AK8: variants seen among roughly 807,000 people sequenced by gnomAD.
AK8 encodes adenylate kinase 8.
A neutral mutation model predicts 54.6 loss-of-function variants in AK8; 44 were observed. That is an observed-to-expected ratio of 0.81 (90% confidence interval 0.63 to 1.04). The LOEUF (loss-of-function observed/expected upper bound fraction) is 1.04, where lower values mean the gene tolerates loss of function less well. Among genes scored for constraint, AK8 ranks in the 50% least tolerant of loss-of-function variants. The pLI, the probability that AK8 is intolerant of heterozygous loss-of-function variation, is 0.00. For synonymous variants in AK8, 239 were observed against 245.6 expected (o/e 0.97, Z 0.25); for missense variants, 555 against 613.6 (o/e 0.90, Z 1.01).
intron 5 of AK8, among the ~76,000 whole-genome samples, chr9:132,853,709 C>T (rs1359469056): frequency 7.1e-6 from 1 of 141,438 alleles, no homozygotes; most frequent in Non-Finnish European, 1.5e-5. Flanking sequence ...TCTCTTGAGC[C>T]CAGAAGGTCA....
intron 3 of AK8, among the ~76,000 whole-genome samples, chr9:132,864,413 T>C (rs1158432670): frequency 6.6e-6 from 1 of 151,640 alleles, no homozygotes; most frequent in African/African-American, 2.4e-5. Context: ...CAACCAGGAG[T>C]CTTCATGGCC....
chr9:132,839,315 A>G (rs1446914732), intron 5 of AK8, among the ~76,000 whole-genome samples: 2 of 152,008 alleles, frequency 1.3e-5, no homozygotes, highest in African/African-American at 2.4e-5. Context: ...TCTGGCCTTC[A>G]TTTTCCTTCT....
chr9:132,871,359 G>C (rs1047323421), intron 2 of AK8, among the ~76,000 whole-genome samples: 1 of 152,204 alleles, frequency 6.6e-6, no homozygotes, highest in Admixed American at 6.5e-5. Context: ...CCACAGAGGC[G>C]TGGGCAAAGA....
rs369890347 is a variant in AK8, at chr9:132,878,267, G to C, written c.-12C>G. ...ATAGTGGCGTCCATGTAGCCGTCTC[G>C]GCTCGCCGCTCCCTAGTAACCGCGT... On this transcript the variant is annotated 5_prime_UTR_variant, in exon 1 of 13. Transcript: ENST00000298545. This position sits in a 1 kb window ranked among gnomAD's most constrained non-coding sequence, Gnocchi z 4.7. The C allele has an allele frequency of 3.0e-6, 4 of 1,354,898 alleles. No individual in the cohort carries two copies. The highest frequency in any genetic ancestry group is 2.3e-5 in the South Asian group (1 of 44,414). The allele number at this position is 1,354,898 out of a possible 1,614,324, so 83.9% of individuals were successfully genotyped here.
intron 5 of AK8, among the ~76,000 whole-genome samples, chr9:132,848,505 C>G (rs1842844200): frequency 6.6e-6 from 1 of 152,208 alleles, no homozygotes; most frequent in Admixed American, 6.5e-5. Flanking sequence ...TGCCTCACTT[C>G]TGGCTGCCAT....
intron 11 of AK8, among the ~76,000 whole-genome samples, chr9:132,756,809 C>A (rs193111009): frequency 3.9e-5 from 6 of 152,044 alleles, no homozygotes; most frequent in Middle Eastern, 3.2e-3. Context: ...GAATTCCGCA[C>A]CCCCATAAAA....
At chr9:132,846,918 G>A (rs1371310567) in intron 5 of AK8, among the ~76,000 whole-genome samples, 1 of 152,262 alleles carries the variant, frequency 6.6e-6, no homozygotes, top group East Asian at 1.9e-4. Context: ...TGAAGCTGGA[G>A]AAGCTGCTGG....
rs1838932329 is a variant in AK8, at chr9:132,770,702, G to A, written c.1121+21932C>T. ...GACAAGGCAGGGAAGAGCGGGATGG[G>A]TCGGCCCCTTCAAGGGGAGCCCTGG... is the stretch of plus-strand genomic sequence containing the variant. On this transcript the variant is annotated intron_variant, in intron 11 of 12. Coordinates refer to ENST00000298545, the MANE Select transcript of AK8 (RefSeq NM_152572.3). The surrounding 1 kb of genome is among the most constrained non-coding windows in gnomAD (Gnocchi z 4.3). Among the ~76,000 whole-genome samples, 1 of 152,216 alleles carries A rather than the reference G, an allele frequency of 6.6e-6. No individual in the cohort carries two copies.
chr9:132,734,860 T>A (rs1837022857), intron 11 of AK8, among the ~76,000 whole-genome samples: 1 of 152,068 alleles, frequency 6.6e-6, no homozygotes, highest in Non-Finnish European at 1.5e-5. Context: ...TGAAACCCCA[T>A]CTCTACTAAA....
intron 5 of AK8, among the ~76,000 whole-genome samples, chr9:132,848,819 G>C (rs1031564118): frequency 2.0e-5 from 3 of 152,074 alleles, no homozygotes; most frequent in African/African-American, 4.8e-5. Context: ...TCAAGTCGCC[G>C]AGCTTGGAAG....
intron 12 of AK8, among the ~76,000 whole-genome samples, chr9:132,727,030 C>T (rs1049933932): frequency 2.6e-5 from 4 of 152,026 alleles, no homozygotes; most frequent in Non-Finnish European, 4.4e-5. Context: ...GAATCAAACT[C>T]GGAATCTACC....
intron 10 of AK8, among the ~76,000 whole-genome samples, chr9:132,802,486 G>A (rs1406621812): frequency 1.3e-5 from 2 of 152,178 alleles, no homozygotes; most frequent in Non-Finnish European, 2.9e-5. Context: ...TGCCGCCCTT[G>A]AACTCTCTGG....
At chr9:132,737,224 C>A (rs1266164769) in intron 11 of AK8, among the ~76,000 whole-genome samples, 1 of 152,066 alleles carries the variant, frequency 6.6e-6, no homozygotes, top group Non-Finnish European at 1.5e-5. Flanking sequence ...AGTTCTCTGA[C>A]CTTGAATAAA....
Position 132,725,825 on chromosome 9 carries a change from G to C in AK8, c.1303C>G (p.Leu435Val). ...AAGTCAGCTGAGTTCCTGTAGAACA[G>C]GTCCATTTTCAGCTTGACCTGCTCT... ...AEEQVKLKMD[L>V]FYRNSADLEQ... Residue 435 changes from leucine (L) to valine (V), a missense_variant, in exon 13 of 13, where the codon CTG becomes GTG. Physicochemically the swap from Leu to Val is conservative, Grantham distance 32. Transcript: ENST00000298545. 1 of 1,607,852 alleles carries C rather than the reference G, an allele frequency of 6.2e-7. No homozygotes were observed. Among genetic ancestry groups the C allele is most frequent in the Non-Finnish European group, 8.5e-7 (1 of 1,177,530 alleles).
At chr9:132,808,919 T>G (rs549666454) in intron 10 of AK8, among the ~76,000 whole-genome samples, 2 of 152,262 alleles carry the variant, frequency 1.3e-5, no homozygotes, top group South Asian at 4.1e-4. Context: ...GAAGACTCTA[T>G]AGTGCCTGGC....
intron 11 of AK8, among the ~76,000 whole-genome samples, chr9:132,738,752 C>CTTTT (rs754082140): frequency 2.5e-5 from 3 of 120,804 alleles, no homozygotes; most frequent in Non-Finnish European, 3.3e-5. Flanking sequence ...ATGTTCATGA[C>CTTTT]TTTTTTTTTT....
intron 7 of AK8, chr9:132,827,454 A>G (rs1184760559): frequency 1.3e-5 from 3 of 239,950 alleles, no homozygotes; most frequent in Non-Finnish European, 2.5e-5. Context: ...AGAAAGGGAC[A>G]GAGTTAGGGA....
rs545855020 is a variant in AK8, at chr9:132,740,025, A to G, written c.1122-12491T>C. Among the ~76,000 whole-genome samples the G allele has an allele frequency of 4.6e-5, 7 of 152,344 alleles. No homozygotes were observed. The South Asian group carries it at 1.5e-3, about 32-fold the overall frequency. On this transcript the variant is annotated intron_variant, in intron 11 of 12. Coordinates refer to ENST00000298545, the MANE Select transcript of AK8 (RefSeq NM_152572.3). ...GACCCCTGATTTGTAGCATTTGCCAATATCCCCATCTAGTAAATTTCAAGC... is the reference window on the plus strand; with the variant it reads ...GACCCCTGATTTGTAGCATTTGCCAGTATCCCCATCTAGTAAATTTCAAGC...
intron 5 of AK8, among the ~76,000 whole-genome samples, chr9:132,833,446 T>C (rs960447038): frequency 1.3e-5 from 2 of 152,078 alleles, no homozygotes; most frequent in African/African-American, 2.4e-5. Context: ...GATGTGGAGG[T>C]ATCAGTCAAT....
Sources: allele counts gnomAD v4.1 joint callset (sites outside exome capture counted in the v4.1 genomes callset), GRCh38; gene constraint gnomAD v4.1.1; non-coding constraint Gnocchi (gnomAD v3.1); transcripts MANE v1.5; gene names NCBI Gene and HGNC (gene_info 2026-07-23, HGNC 2026-07-21).